Variants in CSMD1 observed in about 807,000 individuals in gnomAD.
The protein encoded by CSMD1 is CUB and sushi domain-containing protein 1.
CSMD1 carries 213 observed loss-of-function variants against 417.5 expected under a neutral mutation model. That is an observed-to-expected ratio of 0.51 (90% CI 0.46 to 0.57). CSMD1 has a LOEUF of 0.57. CSMD1 is among the 20% of genes least tolerant of loss of function. CSMD1 has a pLI of 0.00. For missense variants in CSMD1, 6,923 were observed against 4,529.7 expected, an observed-to-expected ratio of 1.53 and a Z score of -15.17; for synonymous variants, 2,862 against 1,736.8, an observed-to-expected ratio of 1.65 and a Z score of -16.11.
chr8:4,830,886 C>A (rs918681193), intron 1 of CSMD1, among the ~76,000 whole-genome samples: 5 of 152,134 alleles, frequency 3.3e-5, no homozygotes, highest in African/African-American at 1.2e-4. Flanking sequence ...AAGATGATTC[C>A]TCTAGAATAG....
At chr8:3,325,921 T>G (rs1451573650) in intron 23 of CSMD1, among the ~76,000 whole-genome samples, 2 of 152,176 alleles carry the variant, frequency 1.3e-5, no homozygotes, top group African/African-American at 4.8e-5. Flanking sequence ...TAAAGAATAA[T>G]TCATTATGCA....
intron 2 of CSMD1, among the ~76,000 whole-genome samples, chr8:4,573,546 A>T (rs1201083069): frequency 6.6e-6 from 1 of 152,032 alleles, no homozygotes; most frequent in Non-Finnish European, 1.5e-5. Context: ...CTCCTGTATG[A>T]GATGTCTGTT....
At chr8:3,629,509 A>G (rs756147203) in intron 7 of CSMD1, among the ~76,000 whole-genome samples, 109 of 152,132 alleles carry the variant, frequency 7.2e-4, no homozygotes, top group Middle Eastern at 3.4e-3. Context: ...CTCAATAAAG[A>G]CAACGTTACA....
chr8:4,178,664 T>C (rs1354786242), intron 3 of CSMD1, among the ~76,000 whole-genome samples: 5 of 152,326 alleles, frequency 3.3e-5, no homozygotes, highest in South Asian at 2.1e-4. Context: ...GATAATATGA[T>C]TGTTTATCTA....
At chr8:3,798,652 A>T (rs1474399239) in intron 5 of CSMD1, among the ~76,000 whole-genome samples, 1 of 152,096 alleles carries the variant, frequency 6.6e-6, no homozygotes, top group East Asian at 1.9e-4. Context: ...AAATACATAC[A>T]TTTATTCAAG....
At chr8:4,835,874 T>C (rs917248863) in intron 1 of CSMD1, among the ~76,000 whole-genome samples, 2 of 152,038 alleles carry the variant, frequency 1.3e-5, no homozygotes, top group Non-Finnish European at 2.9e-5. Context: ...TGTTGGTTGA[T>C]TTAAATGCTG....
chr8:4,595,387 C>CTTTTTTTTTTTTTTTTCTTTTTT, intron 2 of CSMD1, among the ~76,000 whole-genome samples: 122 of 147,180 alleles, frequency 8.3e-4, no homozygotes, highest in South Asian at 1.1e-3. Flanking sequence ...CATTCATTTT[C>CTTTTTTTTTTTTTTTTCTTTTTT]ATTCCATCCA....
chr8:3,625,121 G>C (rs781010528), intron 7 of CSMD1, among the ~76,000 whole-genome samples: 3 of 151,702 alleles, frequency 2.0e-5, no homozygotes, highest in Non-Finnish European at 4.4e-5. Context: ...ACAGTCTCTA[G>C]CAGTAGCTGT....
At chr8:3,992,449 C>A (rs1435903191) in intron 5 of CSMD1, among the ~76,000 whole-genome samples, 3 of 152,106 alleles carry the variant, frequency 2.0e-5, no homozygotes, top group Admixed American at 2.0e-4. Context: ...GCATAGCTTA[C>A]AACAGGTTTG....
intron 25 of CSMD1, among the ~76,000 whole-genome samples, chr8:3,305,829 G>C (rs928956503): frequency 1.3e-5 from 2 of 152,032 alleles, no homozygotes; most frequent in Non-Finnish European, 2.9e-5. Flanking sequence ...ACAGGTGCCT[G>C]CCACCACGTG....
At chr8:3,642,369 G>C (rs543851215) in intron 7 of CSMD1, among the ~76,000 whole-genome samples, 1 of 152,024 alleles carries the variant, frequency 6.6e-6, no homozygotes, top group Admixed American at 6.6e-5. Context: ...TCACCGCAAA[G>C]AATTTATAAC....
At chr8:4,088,988 G>A (rs1585289292) in intron 3 of CSMD1, among the ~76,000 whole-genome samples, 2 of 147,184 alleles carry the variant, frequency 1.4e-5, no homozygotes, top group African/African-American at 5.5e-5. Context: ...GTGCTCCCTT[G>A]GTGCATACAG....
chr8:3,077,482 C>T (rs1422879594), intron 49 of CSMD1, among the ~76,000 whole-genome samples: 1 of 152,224 alleles, frequency 6.6e-6, no homozygotes, highest in Admixed American at 6.5e-5. Context: ...CAGAGCAAAG[C>T]ACTCATTCTC....
intron 5 of CSMD1, among the ~76,000 whole-genome samples, chr8:3,968,734 A>G (rs1365535095): frequency 1.3e-5 from 2 of 152,168 alleles, no homozygotes; most frequent in African/African-American, 2.4e-5. Context: ...TGTAAATAGC[A>G]TTTAAGCAGC....
intron 5 of CSMD1, among the ~76,000 whole-genome samples, chr8:3,921,927 T>C (rs188047828): frequency 3.8e-4 from 58 of 152,270 alleles, no homozygotes; most frequent in South Asian, 2.5e-3. Context: ...GCCAAGTACA[T>C]TGCTTTCTTA....
At chr8:3,511,760 AAAAT>A (rs1452347122) in intron 10 of CSMD1, among the ~76,000 whole-genome samples, 2 of 128,300 alleles carry the variant, frequency 1.6e-5, no homozygotes, top group Non-Finnish European at 3.2e-5. Flanking sequence ...CATCTCTAAA[AAAAT>A]AACATAACAT....
intron 46 of CSMD1, among the ~76,000 whole-genome samples, chr8:3,098,619 G>GTC: frequency 6.6e-6 from 1 of 152,216 alleles, no homozygotes; most frequent in South Asian, 2.1e-4. Context: ...TGAGTTAAAG[G>GTC]TCTAATTTTC....
intron 5 of CSMD1, among the ~76,000 whole-genome samples, chr8:3,989,036 G>C (rs1814544971): frequency 6.6e-6 from 1 of 152,146 alleles, no homozygotes; most frequent in African/African-American, 2.4e-5. Flanking sequence ...ATTTCAAAAA[G>C]TTTTTCTTTT....
intron 5 of CSMD1, among the ~76,000 whole-genome samples, chr8:3,861,412 T>A (rs965360680): frequency 6.6e-6 from 1 of 152,184 alleles, no homozygotes; most frequent in African/African-American, 2.4e-5. Flanking sequence ...ATAACCCTGA[T>A]TGGTAAATTG....
Sources: allele counts gnomAD v4.1 joint callset (sites outside exome capture counted in the v4.1 genomes callset), GRCh38; gene constraint gnomAD v4.1.1; transcripts MANE v1.5; gene names NCBI Gene and HGNC (gene_info 2026-07-23, HGNC 2026-07-21).